Variants in THADA observed in about 807,000 individuals in gnomAD.
THADA encodes tRNA (32-2'-O)-methyltransferase regulator THADA.
A neutral mutation model predicts 219.8 loss-of-function variants in THADA; 213 were observed. The observed-to-expected ratio is 0.97, with a 90% confidence interval of 0.87 to 1.09. The LOEUF (loss-of-function observed/expected upper bound fraction) is 1.09. Ranked by LOEUF, THADA falls within the 50% of genes least tolerant of loss-of-function variation. The probability of loss-of-function intolerance (pLI) is 0.00; values close to 1 mark genes in which losing one functional copy is unlikely to be tolerated. For synonymous variants in THADA, 1,018 were observed against 828.9 expected, an observed-to-expected ratio of 1.23 and a Z score of -3.92; for missense variants, 2,956 against 2,311.3, an observed-to-expected ratio of 1.28 and a Z score of -5.72.
chr2:43,491,386 T>G (rs1687618856), intron 25 of THADA, among the ~76,000 whole-genome samples: 1 of 152,106 alleles, frequency 6.6e-6, no homozygotes. Context: ...TTGCCATTAA[T>G]AAGTAAAAAG....
At position 43,574,606 on chromosome 2, in the gene THADA, C is replaced by T. The variant is rs756875117; in HGVS notation, c.1459G>A (p.Asp487Asn). 1 of 1,613,986 alleles carries T rather than the reference C, an allele frequency of 6.2e-7. No homozygotes were observed. Among genetic ancestry groups the T allele is most frequent in the Non-Finnish European group, 8.5e-7 (1 of 1,179,892 alleles). ...IPSQILEVMG[D>N]QSLVPYASDL... ...CTTGCATAAGGTACCAATGACTGGTCTCCCATCACCTCTAAGATTTGAGAT... is the reference window on the plus strand; with the variant it reads ...CTTGCATAAGGTACCAATGACTGGTTTCCCATCACCTCTAAGATTTGAGAT... The change falls in exon 11 of 38, where the codon GAC (aspartate) becomes AAC (asparagine). Residue 487 changes from aspartate to asparagine, a missense_variant. Transcript: ENST00000405975.
At chr2:43,258,558 A>G (rs1349672701) in intron 36 of THADA, among the ~76,000 whole-genome samples, 1 of 152,144 alleles carries the variant, frequency 6.6e-6, no homozygotes, top group African/African-American at 2.4e-5. Context: ...AAAAATAAAA[A>G]TTATTTGTTA....
At chr2:43,245,190 T>TTTTTTTTTTTTTTTG (rs1491589481) in intron 36 of THADA, among the ~76,000 whole-genome samples, 1 of 144,966 alleles carries the variant, frequency 6.9e-6, no homozygotes, top group Admixed American at 6.8e-5. Flanking sequence ...TTTTTTTTTT[T>TTTTTTTTTTTTTTTG]GAGACGGAGT....
At chr2:43,569,920 G>C (rs1171672196) in intron 14 of THADA, among the ~76,000 whole-genome samples, 1 of 152,050 alleles carries the variant, frequency 6.6e-6, no homozygotes, top group Admixed American at 6.6e-5. Context: ...CTAAAATCCA[G>C]CCCTACTCTT....
chr2:43,315,736 G>C (rs968764367), intron 31 of THADA, among the ~76,000 whole-genome samples: 3 of 152,148 alleles, frequency 2.0e-5, no homozygotes, highest in Non-Finnish European at 4.4e-5. Context: ...CAAAGTGCTG[G>C]GATTATAGGC....
chr2:43,525,572 A>G (rs1396751718), intron 22 of THADA, among the ~76,000 whole-genome samples: 1 of 152,190 alleles, frequency 6.6e-6, no homozygotes, highest in Non-Finnish European at 1.5e-5. Flanking sequence ...TGTAGTCCCA[A>G]CTAGGCCCAG....
intron 21 of THADA, among the ~76,000 whole-genome samples, chr2:43,539,127 C>G (rs966326345): frequency 2.6e-5 from 4 of 152,190 alleles, no homozygotes; most frequent in Admixed American, 2.6e-4. Context: ...CACATTCTCC[C>G]CTCTAACTAG....
rs553835797 is a variant in THADA, at chr2:43,534,076, G to A, written c.3265-6088C>T. 2.6e-5 allele frequency among the ~76,000 whole-genome samples: 4 copies of A among 152,086 alleles called. No individual in the cohort carries two copies. The South Asian group carries it at 8.3e-4, about 32-fold the overall frequency. ...GCCCAGCAAGATAAAGTTCAAATATGTATTTTTTATAAAGATGGATTTACA... is the reference window on the plus strand; with the variant it reads ...GCCCAGCAAGATAAAGTTCAAATATATATTTTTTATAAAGATGGATTTACA... On this transcript the variant is annotated intron_variant, in intron 21 of 37. Coordinates refer to ENST00000405975, the MANE Select transcript of THADA (RefSeq NM_022065.5).
At chr2:43,525,951 C>T (rs970478318) in intron 22 of THADA, among the ~76,000 whole-genome samples, 16 of 152,176 alleles carry the variant, frequency 1.1e-4, no homozygotes, top group African/African-American at 4.8e-5. Flanking sequence ...ATCTGTATTA[C>T]AATCTATCTA....
chr2:43,446,601 C>T (rs1055794527), intron 26 of THADA, among the ~76,000 whole-genome samples: 15 of 152,214 alleles, frequency 9.9e-5, no homozygotes, highest in African/African-American at 1.9e-4. Flanking sequence ...CAACACATGG[C>T]GAAGAAGGAC....
intron 35 of THADA, among the ~76,000 whole-genome samples, chr2:43,286,513 G>C (rs1229420468): frequency 2.0e-5 from 3 of 152,124 alleles, no homozygotes; most frequent in African/African-American, 7.2e-5. Context: ...GGCTGAGGTG[G>C]GTGGATCACC....
intron 29 of THADA, among the ~76,000 whole-genome samples, chr2:43,351,348 G>A (rs1012684719): frequency 6.6e-6 from 1 of 151,954 alleles, no homozygotes; most frequent in African/African-American, 2.4e-5. Context: ...TTTCCCATTC[G>A]TAACAACTTA....
intron 27 of THADA, among the ~76,000 whole-genome samples, chr2:43,429,892 T>C (rs1679013782): frequency 6.6e-6 from 1 of 151,792 alleles, no homozygotes; most frequent in Non-Finnish European, 1.5e-5. Flanking sequence ...AGTCTGACCG[T>C]GCACAGTGGC....
rs139080186 is a variant in THADA, at chr2:43,582,278, T to C, written c.534-350A>G. Among the ~76,000 whole-genome samples, 10 of 152,152 alleles carry C rather than the reference T, an allele frequency of 6.6e-5. No homozygotes were observed. The East Asian group carries it at 1.8e-3, about 27-fold the overall frequency. ...TTGGTAGGCCGAGACAGGTAGATCA[T>C]TTGAGGTCTGGAGTTTGGGACCAGC... On this transcript the variant is annotated intron_variant, in intron 7 of 37. Coordinates refer to ENST00000405975, the MANE Select transcript of THADA (RefSeq NM_022065.5).
In THADA at chr2:43,289,295, T is replaced by C. The variant is rs114655001; in HGVS notation, c.5011-2234A>G. On this transcript the variant is annotated intron_variant, in intron 34 of 37. Transcript: ENST00000405975. ...CTAGAACAGGGACTGTTGTTCCAGA[T>C]GTACTTTACTTCTATCAACTGAACC... Among the ~76,000 whole-genome samples, 332 of 152,366 alleles carry C rather than the reference T, an allele frequency of 2.2e-3. 2 individuals carry two copies. Among genetic ancestry groups the C allele is most frequent in the African/African-American group, 7.6e-3 (315 of 41,584 alleles).
At chr2:43,579,432 T>A (rs1431089526) in intron 8 of THADA, among the ~76,000 whole-genome samples, 2 of 152,194 alleles carry the variant, frequency 1.3e-5, no homozygotes, top group Non-Finnish European at 2.9e-5. Flanking sequence ...CTTCTTTTTG[T>A]TTTATCTCTA....
At chr2:43,380,882 T>A (rs1671928104) in intron 29 of THADA, among the ~76,000 whole-genome samples, 1 of 152,038 alleles carries the variant, frequency 6.6e-6, no homozygotes, top group Non-Finnish European at 1.5e-5. Flanking sequence ...GTGGATCACC[T>A]GAGGTTAGGA....
chr2:43,573,042 T>C (rs1456708682), intron 11 of THADA, 50 bp from the exon 12 acceptor site: 1 of 1,371,974 alleles, frequency 7.3e-7, no homozygotes, highest in Non-Finnish European at 9.7e-7. Flanking sequence ...ATGACTACTA[T>C]AATTATCAGC....
intron 29 of THADA, among the ~76,000 whole-genome samples, chr2:43,364,192 C>T (rs564150105): frequency 4.6e-5 from 7 of 152,070 alleles, no homozygotes; most frequent in Non-Finnish European, 1.0e-4. Flanking sequence ...TGCTGCACTC[C>T]AGCCTGTGCA....
Sources: gnomAD v4.1 joint callset for allele counts (sites outside exome capture counted in the v4.1 genomes callset) on GRCh38, gnomAD v4.1.1 for gene constraint, MANE v1.5 for transcripts, NCBI Gene and HGNC (gene_info 2026-07-23, HGNC 2026-07-21) for gene names.